SMPD3: variants seen among roughly 807,000 people sequenced by gnomAD.
SMPD3 encodes sphingomyelin phosphodiesterase 3, also known as nSMase-2.
Under a neutral mutation model 55.7 loss-of-function variants are expected in SMPD3, and 21 were observed. The ratio of observed to expected loss-of-function variants is 0.38; its 90% CI spans 0.27 to 0.54. SMPD3 has a LOEUF of 0.54. Ranked by LOEUF, SMPD3 falls within the 20% of genes least tolerant of loss-of-function variation. The probability of loss-of-function intolerance (pLI) is 0.80; values close to 1 mark genes in which losing one functional copy is unlikely to be tolerated. For synonymous variants in SMPD3, 457 were observed against 404.3 expected (o/e 1.13, Z -1.56); for missense variants, 842 against 899.6 (o/e 0.94, Z 0.82).
intron 2 of SMPD3, among the ~76,000 whole-genome samples, chr16:68,374,416 G>T (rs955811134): frequency 6.6e-6 from 1 of 151,864 alleles, no homozygotes; most frequent in Admixed American, 6.5e-5. Context: ...CACTGGACGG[G>T]TGCAGTTTGG....
At chr16:68,424,557 T>C (rs1452578888) in intron 1 of SMPD3, among the ~76,000 whole-genome samples, 2 of 152,140 alleles carry the variant, frequency 1.3e-5, no homozygotes, top group South Asian at 2.1e-4. Context: ...GAGGTAATCA[T>C]AGTAGCTGCA....
rs1438638729 is a variant in SMPD3 at position 68,359,131 on chromosome 16, G to C, written c.*2075C>G. On this transcript the variant is annotated 3_prime_UTR_variant, in exon 9 of 9. Transcript: ENST00000219334. The stretch of plus-strand genomic sequence containing the variant: ...TGCCTGGGTGGGGAAGCTATGTTGG[G>C]GTCTGGTGTGGGGGCCCTGCCCGGG... 2.0e-5 allele frequency: 3 copies of C among 152,544 alleles called. No homozygotes were observed. The highest frequency in any genetic ancestry group is 4.4e-5 in the Non-Finnish European group (3 of 68,130). 9.4% of individuals were successfully genotyped at this position (152,544 alleles called of 1,614,324 possible). A position where few individuals can be genotyped will look rare whatever the true frequency, so the allele number is the denominator to read the frequency against.
At position 68,358,782 on chromosome 16, in the gene SMPD3, C is replaced by A. The variant is rs2089015479; in HGVS notation, c.*2424G>T. 1 of 152,476 alleles carries A rather than the reference C, an allele frequency of 6.6e-6. No homozygotes were observed. The highest frequency in any genetic ancestry group is 1.9e-4 in the East Asian group (1 of 5,334). The allele number at this position is 152,476 out of a possible 1,614,324, so 9.4% of individuals were successfully genotyped here. A position where few individuals can be genotyped will look rare whatever the true frequency, so the allele number is the denominator to read the frequency against. ...GGGCCTCGGGTGACCCGTGTGCCCA[C>A]CCCTGCTAGGCCTTAGATGCCACAG... On this transcript the variant is annotated 3_prime_UTR_variant, in exon 9 of 9. Transcript: ENST00000219334.
intron 1 of SMPD3, among the ~76,000 whole-genome samples, chr16:68,408,680 T>G (rs2090272292): frequency 6.6e-6 from 1 of 152,202 alleles, no homozygotes; most frequent in African/African-American, 2.4e-5. Context: ...CTGTGTTCTA[T>G]TTCTCTGGTC....
Position 68,372,381 on chromosome 16 carries a change from G to T in SMPD3, c.-200C>A. The T allele has an allele frequency of 1.5e-6, 1 of 645,756 alleles. No individual in the cohort carries two copies. The highest frequency in any genetic ancestry group is 2.7e-6 in the Non-Finnish European group (1 of 376,380). The allele number at this position is 645,756 out of a possible 1,614,324, so 40.0% of individuals were successfully genotyped here. A position where few individuals can be genotyped will look rare whatever the true frequency, so the allele number is the denominator to read the frequency against. On this transcript the variant is annotated 5_prime_UTR_variant, in exon 3 of 9. Transcript: ENST00000219334. ...TCGGTGGGCCATGCGGAGGCCTACT[G>T]CAGACCCTGCAGAGACAAAAGTAGG...
At chr16:68,410,539 A>G (rs2090290820) in intron 1 of SMPD3, among the ~76,000 whole-genome samples, 2 of 152,200 alleles carry the variant, frequency 1.3e-5, no homozygotes, top group Admixed American at 1.3e-4. Flanking sequence ...TAAAAATCAT[A>G]GTAGATACTA....
chr16:68,363,741 C>T, intron 6 of SMPD3, 36 bp downstream of exon 6: 2 of 1,537,546 alleles, frequency 1.3e-6, no homozygotes, highest in Admixed American at 1.9e-5. Context: ...CTGTGGGGAG[C>T]CCAGCTCCCA....
chr16:68,428,966 G>A (rs536658752), intron 1 of SMPD3, among the ~76,000 whole-genome samples: 77 of 152,344 alleles, frequency 5.1e-4, no homozygotes, highest in African/African-American at 1.8e-3. Flanking sequence ...AGTCAAGCCA[G>A]GGGAAAGTCA....
intron 2 of SMPD3, among the ~76,000 whole-genome samples, chr16:68,378,618 A>T (rs1167882992): frequency 6.7e-6 from 1 of 149,566 alleles, no homozygotes; most frequent in East Asian, 2.0e-4. Flanking sequence ...GTCTGTTTGC[A>T]CGTCCTGGAT....
At position 68,401,098 on chromosome 16, in the gene SMPD3, GA is replaced by G. The variant is rs564087096; in HGVS notation, c.-268-14440del. On this transcript the variant is annotated intron_variant, in intron 1 of 8. Transcript: ENST00000219334. The stretch of plus-strand genomic sequence containing the variant: ...TAGTGAAACAGAAGTACAGAGTCTT[GA>G]ATGAACCACCCAGGCCAGCATCCGT... 9.2e-5 allele frequency among the ~76,000 whole-genome samples: 14 copies of G among 152,304 alleles called. No individual in the cohort carries two copies. In the South Asian group the frequency reaches 2.7e-3, roughly 29 times the overall value.
At chr16:68,379,573 C>T (rs1364667503) in intron 2 of SMPD3, among the ~76,000 whole-genome samples, 4 of 152,210 alleles carry the variant, frequency 2.6e-5, no homozygotes, top group Non-Finnish European at 5.9e-5. Flanking sequence ...GGGTTCTCTG[C>T]TCTCCCAGGT....
At chr16:68,430,870 T>A (rs182095432) in intron 1 of SMPD3, among the ~76,000 whole-genome samples, 7 of 152,316 alleles carry the variant, frequency 4.6e-5, no homozygotes. Flanking sequence ...AGAGCATCAT[T>A]TCCAGTGGCT....
At chr16:68,428,559 C>A (rs919651156) in intron 1 of SMPD3, among the ~76,000 whole-genome samples, 2 of 152,174 alleles carry the variant, frequency 1.3e-5, no homozygotes, top group African/African-American at 4.8e-5. Context: ...TGTCTTGAGT[C>A]TGGACTTCAA....
Position 68,371,814 on chromosome 16 carries a change from C to G in SMPD3, c.368G>C (p.Ser123Thr). Residue 123 changes from serine to threonine, a missense_variant, in exon 3 of 9, where the codon AGC becomes ACC. Ser to Thr is a moderately conservative substitution (Grantham distance 58, BLOSUM62 1). Transcript: ENST00000219334. ...GACGTTGGCAGTGGCAAAGCAGAAG[C>G]TTTTGCCAGGCCCCGTGCCCTTCCA... The part of the protein sequence containing the change: ...SEWKGTGPGK[S>T]FCFATANVCL... The G allele has an allele frequency of 6.2e-7, 1 of 1,607,118 alleles. No homozygotes were observed. The highest frequency in any genetic ancestry group is 8.5e-7 in the Non-Finnish European group (1 of 1,177,302).
At chr16:68,378,071 G>T (rs1019251295) in intron 2 of SMPD3, among the ~76,000 whole-genome samples, 3 of 152,212 alleles carry the variant, frequency 2.0e-5, no homozygotes, top group African/African-American at 7.2e-5. Flanking sequence ...CTTCCCGGCA[G>T]CAGGGCTGGG....
chr16:68,391,730 T>A lies in SMPD3; in HGVS notation c.-268-5071A>T, dbSNP rs558013526. On this transcript the variant is annotated intron_variant, in intron 1 of 8. Transcript: ENST00000219334. ...AGAAGGGTCACATATCTGGGGGACA[T>A]CTAAGAGGGTAGAATGGTGTTATGA... 3.9e-5 allele frequency among the ~76,000 whole-genome samples: 6 copies of A among 152,202 alleles called. No individual in the cohort carries two copies. In the South Asian group the frequency reaches 1.0e-3, roughly 26 times the overall value.
chr16:68,378,645 GCAC>G (rs3067863), intron 2 of SMPD3, among the ~76,000 whole-genome samples: 7,706 of 151,848 alleles, frequency 0.051, 226 homozygotes, highest in Middle Eastern at 0.12. Context: ...CCAAGTCTCG[GCAC>G]CACCACAAGC....
In SMPD3 at chr16:68,393,876, A is replaced by G. The variant is rs117971780; in HGVS notation, c.-268-7217T>C. ...TACTTGCAGAGAACAAGTCTTGTTT[A>G]GGAGCATAACTGATGTGGTTAGAAT... On this transcript the variant is annotated intron_variant, in intron 1 of 8. Transcript: ENST00000219334. Among the ~76,000 whole-genome samples the G allele has an allele frequency of 3.3e-5, 5 of 152,334 alleles. No homozygotes were observed. The East Asian group carries it at 9.6e-4, about 29-fold the overall frequency.
At chr16:68,399,867 C>G (rs1487317845) in intron 1 of SMPD3, among the ~76,000 whole-genome samples, 2 of 152,222 alleles carry the variant, frequency 1.3e-5, no homozygotes, top group Non-Finnish European at 2.9e-5. Context: ...ACGATAAACC[C>G]AAAGCCCTGC....
Sources: allele counts gnomAD v4.1 joint callset (sites outside exome capture counted in the v4.1 genomes callset), GRCh38; gene constraint gnomAD v4.1.1; transcripts MANE v1.5; gene names NCBI Gene and HGNC (gene_info 2026-07-23, HGNC 2026-07-21).